Variants in SGCD observed in about 807,000 individuals in gnomAD.
SGCD encodes sarcoglycan delta.
Under a neutral mutation model 36.6 loss-of-function variants are expected in SGCD, and 18 were observed. That is an observed-to-expected ratio of 0.49 (90% CI 0.34 to 0.73). The LOEUF (loss-of-function observed/expected upper bound fraction) is 0.73. SGCD is among the 30% of genes least tolerant of loss of function. The pLI is 0.01. For synonymous variants in SGCD, 133 were observed against 130.6 expected (o/e 1.02, Z -0.12); for missense variants, 387 against 346.7 (o/e 1.12, Z -0.92).
At chr5:156,414,185 G>T (rs892409144) in intron 3 of SGCD, among the ~76,000 whole-genome samples, 1 of 152,108 alleles carries the variant, frequency 6.6e-6, no homozygotes, top group Non-Finnish European at 1.5e-5. Context: ...AGCACTCAAG[G>T]TAAAACCCAG....
At chr5:156,588,988 TTGTGTGTGTGTGTG>T (rs113243314) in intron 4 of SGCD, among the ~76,000 whole-genome samples, 3 of 143,060 alleles carry the variant, frequency 2.1e-5, no homozygotes, top group South Asian at 2.3e-4. Flanking sequence ...GGAATCTATA[TTGTGTGTGTGTGTG>T]TGTGTGTGTG....
chr5:156,174,933 A>G (rs1763429751), intron 3 of SGCD, among the ~76,000 whole-genome samples: 1 of 152,232 alleles, frequency 6.6e-6, no homozygotes, highest in South Asian at 2.1e-4. Flanking sequence ...ATCTTAGATA[A>G]TGTCCACTGT....
intron 7 of SGCD, among the ~76,000 whole-genome samples, chr5:156,727,807 T>TGTA (rs1755853197): frequency 6.6e-6 from 1 of 152,238 alleles, no homozygotes; most frequent in Admixed American, 6.5e-5. Context: ...TACACTGGGT[T>TGTA]TCCCTTGATA....
rs1233490753 is a variant in SGCD at position 156,035,035 on chromosome 5, TAAG to T, written c.-281-82842_-281-82840del. On this transcript the variant is annotated intron_variant, in intron 1 of 9. Coordinates refer to the SGCD transcript ENST00000517913. ...AAATACCTTCTACATGTTTCCAGTGTAAGTTTCATAAGGCAATTAGTGAGACAT... is the reference window on the plus strand; with the variant it reads ...AAATACCTTCTACATGTTTCCAGTGTTTTCATAAGGCAATTAGTGAGACAT... 7.9e-5 allele frequency among the ~76,000 whole-genome samples: 12 copies of T among 152,342 alleles called. No individual in the cohort carries two copies. The East Asian group carries it at 2.3e-3, about 29-fold the overall frequency.
chr5:155,911,658 T>C (rs1027729404), intron 1 of SGCD, among the ~76,000 whole-genome samples: 5 of 152,238 alleles, frequency 3.3e-5, no homozygotes, highest in African/African-American at 1.2e-4. Flanking sequence ...TTTGAATTCA[T>C]TTGTTTGTGC....
the SGCD span, among the ~76,000 whole-genome samples, chr5:155,832,163 C>T: frequency 5.9e-5 from 9 of 152,066 alleles, no homozygotes; most frequent in Non-Finnish European, 1.2e-4. Context: ...ATTTGAGTTC[C>T]GCAAATGAAA....
At chr5:156,050,445 C>A (rs1238709468) in intron 1 of SGCD, among the ~76,000 whole-genome samples, 1 of 146,756 alleles carries the variant, frequency 6.8e-6, no homozygotes, top group Non-Finnish European at 1.5e-5. Flanking sequence ...GTAAACATAA[C>A]TTTTCCATGT....
chr5:156,246,418 A>T (rs1765440727), intron 3 of SGCD, among the ~76,000 whole-genome samples: 1 of 152,174 alleles, frequency 6.6e-6, no homozygotes, highest in Non-Finnish European at 1.5e-5. Context: ...GTTTTCAGTT[A>T]GGAACAAAAG....
At chr5:156,275,396 A>G (rs1355797959) in intron 3 of SGCD, among the ~76,000 whole-genome samples, 3 of 152,208 alleles carry the variant, frequency 2.0e-5, no homozygotes, top group African/African-American at 7.2e-5. Flanking sequence ...CTTAGTACAT[A>G]AAATATGTAT....
At chr5:156,131,722 G>A (rs1762329096) in intron 3 of SGCD, among the ~76,000 whole-genome samples, 1 of 152,164 alleles carries the variant, frequency 6.6e-6, no homozygotes, top group East Asian at 1.9e-4. Flanking sequence ...TTACTACATA[G>A]GAAATTGTGT....
Position 156,054,617 on chromosome 5 carries a change from C to T in SGCD, c.-281-63261C>T, listed in dbSNP as rs1038624413. Among the ~76,000 whole-genome samples, 9 of 146,574 alleles carry T rather than the reference C, an allele frequency of 6.1e-5. 1 individual carries two copies. Among genetic ancestry groups the T allele is most frequent in the Non-Finnish European group, 1.2e-4 (8 of 64,990 alleles). ...ATGAACTTTCTATATTTAAATATCT[C>T]AAAACATTTTTGCAAAAGGCCAGAT... On this transcript the variant is annotated intron_variant, in intron 1 of 9. Transcript: ENST00000517913.
At chr5:156,040,880 C>G (rs916318149) in intron 1 of SGCD, among the ~76,000 whole-genome samples, 4 of 152,140 alleles carry the variant, frequency 2.6e-5, no homozygotes, top group African/African-American at 9.7e-5. Context: ...GTGTAAGCCT[C>G]TAATTTAGGA....
intron 4 of SGCD, among the ~76,000 whole-genome samples, chr5:156,582,131 T>G (rs760073608): frequency 2.0e-5 from 3 of 152,146 alleles, no homozygotes; most frequent in South Asian, 2.1e-4. Context: ...AAGTTTTTTA[T>G]AGAGCACTGG....
intron 6 of SGCD, among the ~76,000 whole-genome samples, chr5:156,595,358 G>T (rs1760884511): frequency 6.6e-6 from 1 of 152,124 alleles, no homozygotes; most frequent in Admixed American, 6.6e-5. Context: ...ACCTGACCAG[G>T]CTCGTATCTG....
intron 3 of SGCD, among the ~76,000 whole-genome samples, chr5:156,487,980 A>G (rs1755769784): frequency 7.7e-6 from 1 of 130,558 alleles, no homozygotes; most frequent in Admixed American, 7.6e-5. Flanking sequence ...ATATATATAT[A>G]TCAAAATGAA....
intron 4 of SGCD, among the ~76,000 whole-genome samples, chr5:156,523,653 A>T (rs1181154053): frequency 6.6e-6 from 1 of 152,032 alleles, no homozygotes; most frequent in Non-Finnish European, 1.5e-5. Flanking sequence ...ACATTTTCTG[A>T]TTCTTATGAA....
At chr5:155,886,797 T>G (rs1756013376) in intron 1 of SGCD, among the ~76,000 whole-genome samples, 1 of 152,218 alleles carries the variant, frequency 6.6e-6, no homozygotes. Context: ...GTGAGTGCTC[T>G]GTGAAGGAGA....
intron 1 of SGCD, among the ~76,000 whole-genome samples, chr5:156,056,802 C>A (rs1282217567): frequency 6.9e-6 from 1 of 145,676 alleles, no homozygotes; most frequent in Non-Finnish European, 1.5e-5. Context: ...GGGCAGTAGG[C>A]AAGGAGAATC....
chr5:156,081,739 C>T (rs149400430), intron 1 of SGCD, among the ~76,000 whole-genome samples: 153 of 152,192 alleles, frequency 1.0e-3, no homozygotes, highest in African/African-American at 3.5e-3. Flanking sequence ...TCTGTAAGGG[C>T]AAAGGGAAAA....
Sources: allele counts gnomAD v4.1 joint callset (sites outside exome capture counted in the v4.1 genomes callset), GRCh38; gene constraint gnomAD v4.1.1; transcripts MANE v1.5; gene names NCBI Gene and HGNC (gene_info 2026-07-23, HGNC 2026-07-21).